Variants in EPB41L1 observed in about 807,000 individuals in gnomAD.
The protein encoded by EPB41L1 is band 4.1-like protein 1.
Under a neutral mutation model 97.8 loss-of-function variants are expected in EPB41L1, and 29 were observed. The observed-to-expected ratio is 0.30, with a 90% confidence interval of 0.22 to 0.40. The LOEUF (loss-of-function observed/expected upper bound fraction) is 0.40. EPB41L1 is among the 10% of genes least tolerant of loss of function. EPB41L1 has a pLI of 1.00. For synonymous variants in EPB41L1, 383 were observed against 459.2 expected (o/e 0.83, Z 2.12); for missense variants, 812 against 1,162.3 (o/e 0.70, Z 4.38).
rs899080379 is a variant in EPB41L1, at chr20:36,195,072, C to T, written c.1450-257C>T. ...AGCAGGGAACTCCATTCTCACATCC[C>T]ATCTGCCCAGTGTGGCTCTGCCCAC... On this transcript the variant is annotated intron_variant, in intron 12 of 21. Transcript: ENST00000338074. This position sits in a 1 kb window ranked among gnomAD's most constrained non-coding sequence, Gnocchi z 4.6. 1.3e-5 allele frequency among the ~76,000 whole-genome samples: 2 copies of T among 152,204 alleles called. No individual in the cohort carries two copies. The highest frequency in any genetic ancestry group is 2.9e-5 in the Non-Finnish European group (2 of 68,032).
intron 11 of EPB41L1, among the ~76,000 whole-genome samples, chr20:36,192,215 C>T (rs769697496): frequency 1.1e-3 from 166 of 150,468 alleles, no homozygotes; most frequent in Non-Finnish European, 2.2e-3. Context: ...AGCGAGACTC[C>T]ATCTCAAAAA....
intron 2 of EPB41L1, among the ~76,000 whole-genome samples, chr20:36,139,741 T>A (rs1158416241): frequency 6.7e-6 from 1 of 150,270 alleles, no homozygotes; most frequent in Non-Finnish European, 1.5e-5. Flanking sequence ...TATTTATTTA[T>A]TTTTTTTAAG....
upstream of EPB41L1, chr20:36,152,587 C>T (rs2060098918): frequency 5.0e-6 from 1 of 200,904 alleles, no homozygotes; most frequent in African/African-American, 2.4e-5. Context: ...GCAGGGGAGA[C>T]TGAGCCTATT....
intron 2 of EPB41L1, among the ~76,000 whole-genome samples, chr20:36,129,751 A>C (rs189747475): frequency 5.2e-4 from 79 of 152,178 alleles, no homozygotes; most frequent in African/African-American, 1.8e-3. Flanking sequence ...TAATTTTAAA[A>C]ATTCAATTTA....
At chr20:36,119,217 G>A (rs2058675655) in intron 2 of EPB41L1, among the ~76,000 whole-genome samples, 1 of 152,264 alleles carries the variant, frequency 6.6e-6, no homozygotes, top group African/African-American at 2.4e-5. Context: ...ATGCCCAAAG[G>A]GGCTCTGGCC....
chr20:36,167,831 A>G (rs920185644), intron 1 of EPB41L1, among the ~76,000 whole-genome samples: 1 of 152,120 alleles, frequency 6.6e-6, no homozygotes, highest in African/African-American at 2.4e-5. Context: ...GGAGGGCCCA[A>G]GTGGTCACAG....
intron 1 of EPB41L1, among the ~76,000 whole-genome samples, chr20:36,159,111 G>A (rs1232901503): frequency 6.6e-6 from 1 of 152,208 alleles, no homozygotes; most frequent in African/African-American, 2.4e-5. Flanking sequence ...GGTTGGAGAA[G>A]GAGGAGCTTG....
intron 2 of EPB41L1, among the ~76,000 whole-genome samples, chr20:36,113,162 C>T (rs556461701): frequency 7.9e-5 from 12 of 152,126 alleles, no homozygotes; most frequent in African/African-American, 2.2e-4. Flanking sequence ...ACCACTGGCC[C>T]GGGGCGTGTC....
intron 2 of EPB41L1, among the ~76,000 whole-genome samples, chr20:36,129,718 G>A (rs1459161023): frequency 1.3e-5 from 2 of 151,954 alleles, no homozygotes; most frequent in South Asian, 2.1e-4. Context: ...AGTTATTGTC[G>A]TTTTTAAAAT....
At chr20:36,202,545 G>A (rs896841348) in intron 14 of EPB41L1, among the ~76,000 whole-genome samples, 4 of 152,098 alleles carry the variant, frequency 2.6e-5, no homozygotes, top group Non-Finnish European at 5.9e-5. Flanking sequence ...TGTAATTCCA[G>A]CACTTTGGGA....
chr20:36,218,804 G>A (rs1041287937), intron 17 of EPB41L1, 72 bp from the exon 18 acceptor site: 11 of 1,378,854 alleles, frequency 8.0e-6, no homozygotes, highest in Admixed American at 7.0e-5. Context: ...TAGCTACATG[G>A]CCACATGCTC....
chr20:36,169,920 C>T lies in EPB41L1; in HGVS notation c.-14-3844C>T, dbSNP rs1002849347. 8.5e-5 allele frequency among the ~76,000 whole-genome samples: 13 copies of T among 152,202 alleles called. No homozygotes were observed. The East Asian group carries it at 1.7e-3, about 20-fold the overall frequency. ...TCTTCCCACACTGCAGCCAGCTCCT[C>T]GGGAACCAGCACGTGCTTCCCTCCA... On this transcript the variant is annotated intron_variant, in intron 1 of 21. Coordinates refer to ENST00000338074, the MANE Select transcript of EPB41L1 (RefSeq NM_012156.2).
At chr20:36,156,436 GT>G (rs770317802) in intron 1 of EPB41L1, among the ~76,000 whole-genome samples, 1 of 152,188 alleles carries the variant, frequency 6.6e-6, no homozygotes, top group Non-Finnish European at 1.5e-5. Context: ...TCCTCACTCA[GT>G]CGATATTGAA....
intron 2 of EPB41L1, among the ~76,000 whole-genome samples, chr20:36,122,042 C>T (rs561252080): frequency 3.3e-5 from 5 of 152,278 alleles, no homozygotes; most frequent in African/African-American, 7.2e-5. Context: ...TGCCTGGTGT[C>T]GTGTGCTCAG....
At chr20:36,112,194 T>C (rs141442101) in intron 1 of EPB41L1, among the ~76,000 whole-genome samples, 87 of 152,308 alleles carry the variant, frequency 5.7e-4, no homozygotes, top group African/African-American at 2.0e-3. Flanking sequence ...AAAGAGCGAA[T>C]CTTCTCCTTG....
intron 14 of EPB41L1, among the ~76,000 whole-genome samples, chr20:36,205,473 A>G (rs1007601563): frequency 1.3e-5 from 2 of 152,234 alleles, no homozygotes; most frequent in Non-Finnish European, 2.9e-5. Context: ...CATGTGATGG[A>G]AATGACTTTC....
chr20:36,171,458 G>A (rs1354983782), intron 1 of EPB41L1, among the ~76,000 whole-genome samples: 1 of 152,156 alleles, frequency 6.6e-6, no homozygotes, highest in East Asian at 1.9e-4. Flanking sequence ...GGGAGGAGGT[G>A]ATGGGGACCC....
Position 36,209,691 on chromosome 20 carries a change from C to T in EPB41L1, c.1872C>T (p.Val624=), listed in dbSNP as rs1472796374. 6.2e-7 allele frequency: 1 copy of T among 1,613,404 alleles called. No homozygotes were observed. Among genetic ancestry groups the T allele is most frequent in the African/African-American group, 1.3e-5 (1 of 74,868 alleles). ...SSLEAEVDFT[V]IGDYHGSAFE... ...TGGAGGCTGAGGTGGACTTCACGGT[C>T]ATTGGTGACTACCATGGCAGCGCCT... Residue 624 remains valine (V), a synonymous_variant, in exon 15 of 22, where the codon GTC becomes GTT. Transcript: ENST00000338074. The surrounding 1 kb of genome is among the most constrained non-coding windows in gnomAD (Gnocchi z 4.2).
chr20:36,136,367 A>G (rs2059416368), intron 2 of EPB41L1, among the ~76,000 whole-genome samples: 1 of 146,536 alleles, frequency 6.8e-6, no homozygotes, highest in African/African-American at 2.5e-5. Context: ...TTTTGGAGAA[A>G]CAGGGTTTCA....
Sources: gnomAD v4.1 joint callset for allele counts (sites outside exome capture counted in the v4.1 genomes callset) on GRCh38, gnomAD v4.1.1 for gene constraint, Gnocchi (gnomAD v3.1) non-coding constraint, MANE v1.5 for transcripts, NCBI Gene and HGNC (gene_info 2026-07-23, HGNC 2026-07-21) for gene names.